EPHA5: variants seen among roughly 807,000 people sequenced by gnomAD.
The protein encoded by EPHA5 is EPH receptor A5.
A neutral mutation model predicts 105.0 loss-of-function variants in EPHA5; 60 were observed. That is an observed-to-expected ratio of 0.57 (90% CI 0.46 to 0.71). The LOEUF is 0.71. EPHA5 is among the 30% of genes least tolerant of loss of function. The pLI is 0.00. For missense variants in EPHA5, 1,218 were observed against 1,274.7 expected (o/e 0.96, Z 0.68); for synonymous variants, 513 against 449.1 (o/e 1.14, Z -1.80).
intron 3 of EPHA5, among the ~76,000 whole-genome samples, chr4:65,563,747 A>C (rs1159839108): frequency 6.6e-6 from 1 of 151,998 alleles, no homozygotes; most frequent in East Asian, 1.9e-4. Flanking sequence ...AACATTGTTA[A>C]TTTCTAACTG....
chr4:65,664,400 A>G (rs181576475), intron 1 of EPHA5, among the ~76,000 whole-genome samples: 164 of 152,012 alleles, frequency 1.1e-3, no homozygotes, highest in African/African-American at 3.6e-3. Context: ...TACTTTAAAG[A>G]TAGGTACTAA....
intron 15 of EPHA5, among the ~76,000 whole-genome samples, chr4:65,333,539 CTGTG>C (rs56925203): frequency 0.032 from 3,594 of 111,756 alleles, 84 homozygotes; most frequent in African/African-American, 0.081. Context: ...GAGTGTGTGT[CTGTG>C]TGTGTGTGTG....
chr4:65,537,648 C>T (rs1015039994), intron 3 of EPHA5, among the ~76,000 whole-genome samples: 6 of 151,724 alleles, frequency 4.0e-5, no homozygotes, highest in African/African-American at 1.4e-4. Context: ...TTAGGTTCAA[C>T]TTGCAAGAGA....
intron 16 of EPHA5, among the ~76,000 whole-genome samples, chr4:65,328,858 T>G (rs1420230971): frequency 6.6e-6 from 1 of 151,160 alleles, no homozygotes; most frequent in African/African-American, 2.4e-5. Flanking sequence ...AATGATTTAT[T>G]GATAAGTTAA....
chr4:65,565,204 T>C (rs1308758709), intron 3 of EPHA5, among the ~76,000 whole-genome samples: 1 of 151,664 alleles, frequency 6.6e-6, no homozygotes, highest in African/African-American at 2.4e-5. Context: ...GGAAATAAGA[T>C]TCAAGGCCAA....
intron 3 of EPHA5, among the ~76,000 whole-genome samples, chr4:65,586,945 T>G (rs1168599987): frequency 6.6e-6 from 1 of 152,184 alleles, no homozygotes. Context: ...ATCAGCATGA[T>G]GAATTCATTT....
At chr4:65,342,546 A>G (rs1230217542) in intron 14 of EPHA5, among the ~76,000 whole-genome samples, 1 of 151,866 alleles carries the variant, frequency 6.6e-6, no homozygotes, top group Non-Finnish European at 1.5e-5. Flanking sequence ...GAATATGTAT[A>G]CATATGTATA....
intron 2 of EPHA5, among the ~76,000 whole-genome samples, chr4:65,615,182 CAT>C (rs949400919): frequency 6.6e-6 from 1 of 151,398 alleles, no homozygotes; most frequent in African/African-American, 2.4e-5. Flanking sequence ...ATCATATTAA[CAT>C]ATATGTAATG....
chr4:65,454,014 C>A (rs548433534), intron 5 of EPHA5, among the ~76,000 whole-genome samples: 291 of 152,232 alleles, frequency 1.9e-3, no homozygotes, highest in African/African-American at 6.6e-3. Flanking sequence ...GGCACGGTGG[C>A]TCACGCCTGT....
In EPHA5 at chr4:65,322,511, A is replaced by C. The variant is rs1176628574; in HGVS notation, c.*1603T>G. On this transcript the variant is annotated 3_prime_UTR_variant, in exon 17 of 17. Coordinates refer to ENST00000613740, the MANE Select transcript of EPHA5 (RefSeq NM_001281766.3). ...TTTGACTAATCACATGACATTCCAT[A>C]ATTTTTATAAAGTGTAATAATACAA... 4.4e-6 allele frequency: 1 copy of C among 225,220 alleles called. No individual in the cohort carries two copies. The highest frequency in any genetic ancestry group is 2.2e-5 in the African/African-American group (1 of 44,866). 14.0% of individuals were successfully genotyped at this position (225,220 alleles called of 1,614,324 possible).
chr4:65,411,307 TAATGTC>T, intron 7 of EPHA5, among the ~76,000 whole-genome samples: 1 of 152,166 alleles, frequency 6.6e-6, no homozygotes, highest in South Asian at 2.1e-4. Flanking sequence ...ACTTACAAGA[TAATGTC>T]AATGAAAAAT....
chr4:65,342,510 A>G (rs1309718761), intron 14 of EPHA5, among the ~76,000 whole-genome samples: 2 of 151,954 alleles, frequency 1.3e-5, no homozygotes, highest in Non-Finnish European at 2.9e-5. Flanking sequence ...TGTCTATAAT[A>G]TAAGCAATAT....
chr4:65,440,350 G>GAC, intron 5 of EPHA5, among the ~76,000 whole-genome samples: 1 of 151,848 alleles, frequency 6.6e-6, no homozygotes, highest in East Asian at 1.9e-4. Flanking sequence ...CATAAAACAG[G>GAC]ACACTCCAGA....
chr4:65,542,531 G>A (rs529515049), intron 3 of EPHA5, among the ~76,000 whole-genome samples: 4 of 151,730 alleles, frequency 2.6e-5, no homozygotes, highest in Non-Finnish European at 4.4e-5. Context: ...CAAAGAAGTC[G>A]AATCCCTGGG....
chr4:65,365,881 T>C (rs992083358), intron 10 of EPHA5, 51 bp downstream of exon 10: 14 of 1,576,062 alleles, frequency 8.9e-6, no homozygotes, highest in South Asian at 2.3e-5. Context: ...GTATATTACA[T>C]TCTGGAATGC....
chr4:65,539,349 G>GTTGT (rs1057038666), intron 3 of EPHA5, among the ~76,000 whole-genome samples: 2 of 147,588 alleles, frequency 1.4e-5, no homozygotes, highest in Non-Finnish European at 3.0e-5. Context: ...AGAAAAAGAA[G>GTTGT]TTGTTTAAAT....
chr4:65,520,328 T>C (rs1232980490), intron 3 of EPHA5, among the ~76,000 whole-genome samples: 7 of 151,966 alleles, frequency 4.6e-5, no homozygotes, highest in African/African-American at 1.7e-4. Flanking sequence ...TAGCCATATG[T>C]CGAAAGCTGA....
chr4:65,437,894 CAT>C (rs1323845381), intron 5 of EPHA5, among the ~76,000 whole-genome samples: 1 of 151,770 alleles, frequency 6.6e-6, no homozygotes, highest in Non-Finnish European at 1.5e-5. Flanking sequence ...CATGAATTTA[CAT>C]AGTTAAAATT....
chr4:65,495,097 A>G (rs1429527028), intron 4 of EPHA5, among the ~76,000 whole-genome samples: 1 of 152,182 alleles, frequency 6.6e-6, no homozygotes, highest in African/African-American at 2.4e-5. Context: ...TTTAGCTAGC[A>G]TGAACACTGA....
Sources: gnomAD v4.1 joint callset for allele counts (sites outside exome capture counted in the v4.1 genomes callset) on GRCh38, gnomAD v4.1.1 for gene constraint, MANE v1.5 for transcripts, NCBI Gene and HGNC (gene_info 2026-07-23, HGNC 2026-07-21) for gene names.